RAC1: variants seen among roughly 807,000 people sequenced by gnomAD.
The protein encoded by RAC1 is Rac family small GTPase 1.
In RAC1, 2 loss-of-function variants were observed where a neutral mutation model predicts 25.2. That is an observed-to-expected ratio of 0.08 (90% CI 0.03 to 0.25). RAC1 has a LOEUF of 0.25. RAC1 is among the 10% of genes least tolerant of loss of function. The pLI is 1.00. For missense variants in RAC1, 50 were observed against 235.7 expected, an observed-to-expected ratio of 0.21 and a Z score of 5.16; for synonymous variants, 88 against 94.0, an observed-to-expected ratio of 0.94 and a Z score of 0.37.
intron 1 of RAC1, among the ~76,000 whole-genome samples, chr7:6,380,387 TG>T (rs1159702649): frequency 1.3e-5 from 2 of 152,138 alleles, no homozygotes. Context: ...AATGTGTGTG[TG>T]TGTGTGTGTT....
intron 2 of RAC1, among the ~76,000 whole-genome samples, chr7:6,388,452 T>G (rs1416721093): frequency 1.3e-5 from 2 of 151,334 alleles, no homozygotes; most frequent in Admixed American, 6.6e-5. Context: ...TTCAAGTGAT[T>G]CTCTGCCTCA....
intron 3 of RAC1, 40 bp from the exon 4 acceptor site, chr7:6,400,086 G>A (rs762492724): frequency 6.5e-7 from 1 of 1,546,558 alleles, no homozygotes; most frequent in African/African-American, 1.4e-5. Flanking sequence ...TTCATTCTAA[G>A]GTTGTTGTCT....
At chr7:6,394,735 C>T (rs930319348) in intron 3 of RAC1, among the ~76,000 whole-genome samples, 2 of 152,160 alleles carry the variant, frequency 1.3e-5, no homozygotes, top group Non-Finnish European at 2.9e-5. Flanking sequence ...GGCTGGAGTG[C>T]AATGGTGTGA....
At position 6,375,468 on chromosome 7, in the gene RAC1, C is replaced by T. The variant is rs949864468; in HGVS notation, c.35+698C>T. On this transcript the variant is annotated intron_variant, in intron 1 of 5. Transcript: ENST00000348035. Reference sequence around the variant, plus strand: ...CTCGAATTCCTGCGCTCAAGTGATTCTCCTGCCTCTCAGCCTCCAAAAGCG... The same window carrying T: ...CTCGAATTCCTGCGCTCAAGTGATTTTCCTGCCTCTCAGCCTCCAAAAGCG... Among the ~76,000 whole-genome samples the T allele has an allele frequency of 3.9e-5, 6 of 152,234 alleles. No individual in the cohort carries two copies. In the South Asian group the frequency reaches 1.2e-3, roughly 32 times the overall value.
chr7:6,389,221 A>T (rs914231799), intron 2 of RAC1, among the ~76,000 whole-genome samples: 1 of 151,676 alleles, frequency 6.6e-6, no homozygotes, highest in African/African-American at 2.4e-5. Context: ...AAAAAAAATT[A>T]AAAAATTATT....
At chr7:6,380,233 G>A (rs936655300) in intron 1 of RAC1, among the ~76,000 whole-genome samples, 1 of 152,122 alleles carries the variant, frequency 6.6e-6, no homozygotes. Flanking sequence ...CAAGGCATGG[G>A]GTTTCATATT....
intron 1 of RAC1, among the ~76,000 whole-genome samples, chr7:6,386,580 G>C (rs1056289018): frequency 6.6e-6 from 1 of 151,962 alleles, no homozygotes; most frequent in African/African-American, 2.4e-5. Context: ...TCAGGAGTTC[G>C]AGACCAGCCT....
intron 1 of RAC1, among the ~76,000 whole-genome samples, chr7:6,384,631 C>T (rs928363056): frequency 6.6e-6 from 1 of 152,014 alleles, no homozygotes. Context: ...GCAAGAGCCA[C>T]CACTTATTTT....
intron 4 of RAC1, among the ~76,000 whole-genome samples, chr7:6,400,841 A>G (rs552961810): frequency 7.2e-5 from 11 of 151,794 alleles, no homozygotes; most frequent in African/African-American, 2.2e-4. Context: ...ACGCCCGGCT[A>G]ATTTTGTATT....
intron 3 of RAC1, among the ~76,000 whole-genome samples, chr7:6,399,453 C>T (rs910818034): frequency 6.6e-6 from 1 of 152,236 alleles, no homozygotes; most frequent in Non-Finnish European, 1.5e-5. Context: ...ATGAAGCATG[C>T]AGATGTTTGG....
At chr7:6,396,922 C>G (rs1435722601) in intron 3 of RAC1, among the ~76,000 whole-genome samples, 11 of 150,770 alleles carry the variant, frequency 7.3e-5, no homozygotes, top group Admixed American at 6.6e-4. Flanking sequence ...CCCAGCTACT[C>G]GGGAGGCTGA....
intron 3 of RAC1, among the ~76,000 whole-genome samples, chr7:6,396,570 G>T (rs1019781503): frequency 5.3e-5 from 8 of 152,180 alleles, no homozygotes; most frequent in Non-Finnish European, 1.0e-4. Context: ...GATACGATCA[G>T]AGGCTCTTTG....
In RAC1 at chr7:6,384,773, C is replaced by G. The variant is rs117107866; in HGVS notation, c.36-2439C>G. On this transcript the variant is annotated intron_variant, in intron 1 of 5. Transcript: ENST00000348035. The stretch of plus-strand genomic sequence containing the variant: ...CCTGTGCTGGGATTACAGGCCTAAG[C>G]CACTGCACCAGGCTTTTATTTTTTA... Among the ~76,000 whole-genome samples, 235 of 151,512 alleles carry G rather than the reference C, an allele frequency of 1.6e-3. 2 individuals carry two copies. The highest frequency in any genetic ancestry group is 6.7e-3 in the East Asian group (34 of 5,092).
At chr7:6,396,621 C>A (rs1783242676) in intron 3 of RAC1, among the ~76,000 whole-genome samples, 1 of 152,300 alleles carries the variant, frequency 6.6e-6, no homozygotes, top group South Asian at 2.1e-4. Context: ...GATCCTCTCC[C>A]ATGGTAAAGA....
chr7:6,374,762 G>T lies in RAC1; in HGVS notation c.27G>T (p.Val9=). The T allele has an allele frequency of 1.7e-6, 2 of 1,148,926 alleles. No individual in the cohort carries two copies. Among genetic ancestry groups the T allele is most frequent in the South Asian group, 3.3e-5 (1 of 30,360 alleles). The allele number at this position is 1,148,926 out of a possible 1,614,324, so 71.2% of individuals were successfully genotyped here. Residue 9 remains valine, a synonymous_variant, in exon 1 of 6, where the codon GTG becomes GTT. Coordinates refer to ENST00000348035, the MANE Select transcript of RAC1 (RefSeq NM_006908.5). ...TGCAGGCCATCAAGTGTGTGGTGGTGGGAGACGGGTGAGTGCGCGGCCGGG... is the reference window on the plus strand; with the variant it reads ...TGCAGGCCATCAAGTGTGTGGTGGTTGGAGACGGGTGAGTGCGCGGCCGGG... MQAIKCVV[V]GDGAVGKTCL...
chr7:6,379,727 A>G (rs774442003), intron 1 of RAC1, among the ~76,000 whole-genome samples: 1 of 152,022 alleles, frequency 6.6e-6, no homozygotes, highest in Middle Eastern at 3.4e-3. Context: ...CAGTTTTATT[A>G]TTTTATTTTT....
intron 2 of RAC1, 46 bp from the exon 3 acceptor site, chr7:6,391,878 C>A (rs372730323): frequency 1.2e-6 from 2 of 1,613,242 alleles, no homozygotes; most frequent in African/African-American, 2.7e-5. Context: ...GGGACAGTGA[C>A]TTAGCTTCTA....
chr7:6,375,130 TA>T (rs370653736), intron 1 of RAC1, among the ~76,000 whole-genome samples: 3 of 151,906 alleles, frequency 2.0e-5, no homozygotes, highest in African/African-American at 4.8e-5. Flanking sequence ...AGGGACCCTT[TA>T]TTTTTTTTGC....
chr7:6,399,474 G>T (rs1450028149), intron 3 of RAC1, among the ~76,000 whole-genome samples: 1 of 152,198 alleles, frequency 6.6e-6, no homozygotes, highest in Non-Finnish European at 1.5e-5. Context: ...CGTGTGCCCC[G>T]AAGCACCCTC....
Sources: gnomAD v4.1 joint callset for allele counts (sites outside exome capture counted in the v4.1 genomes callset) on GRCh38, gnomAD v4.1.1 for gene constraint, MANE v1.5 for transcripts, NCBI Gene and HGNC (gene_info 2026-07-23, HGNC 2026-07-21) for gene names.